SMAD2: variants seen among roughly 807,000 people sequenced by gnomAD.
SMAD2 encodes MAD homolog 2.
SMAD2 carries 8 observed loss-of-function variants against 64.4 expected under a neutral mutation model. The ratio of observed to expected loss-of-function variants is 0.12; its 90% CI spans 0.07 to 0.22. The LOEUF (loss-of-function observed/expected upper bound fraction) is 0.22. SMAD2 is among the 10% of genes least tolerant of loss of function. SMAD2 has a pLI of 1.00. For missense variants in SMAD2, 289 were observed against 561.2 expected (o/e 0.51, Z 4.90); for synonymous variants, 203 against 195.8 (o/e 1.04, Z -0.31).
At position 47,830,730 on chromosome 18, in the gene SMAD2, C is replaced by A. The variant is rs986312824; in HGVS notation, c.*11097G>T. The A allele has an allele frequency of 2.0e-5, 3 of 153,512 alleles. No individual in the cohort carries two copies. The highest frequency in any genetic ancestry group is 1.8e-4 in the East Asian group (1 of 5,554). 9.5% of individuals were successfully genotyped at this position (153,512 alleles called of 1,614,324 possible). ...GCCACAATATAGTTTAGAGGCAAGA[C>A]CTCTCATGAAGAAAAACTTTACAAG... On this transcript the variant is annotated 3_prime_UTR_variant, in exon 11 of 11. Coordinates refer to ENST00000262160, the MANE Select transcript of SMAD2 (RefSeq NM_005901.6).
intron 6 of SMAD2, among the ~76,000 whole-genome samples, chr18:47,860,992 A>G (rs2031134640): frequency 6.6e-6 from 1 of 152,166 alleles, no homozygotes; most frequent in Non-Finnish European, 1.5e-5. Flanking sequence ...CCATTCTTAT[A>G]GCTTCAACAG....
intron 6 of SMAD2, among the ~76,000 whole-genome samples, chr18:47,853,995 G>T (rs988876294): frequency 6.6e-6 from 1 of 151,828 alleles, no homozygotes; most frequent in Non-Finnish European, 1.5e-5. Flanking sequence ...TAAATTAACA[G>T]GCGTTCAGTC....
chr18:47,844,158 A>G (rs546847231), intron 10 of SMAD2, among the ~76,000 whole-genome samples: 4 of 152,276 alleles, frequency 2.6e-5, no homozygotes, highest in Non-Finnish European at 4.4e-5. Context: ...TATAACTCAG[A>G]AAAAAATAGT....
At chr18:47,872,988 A>C (rs2144393012) in intron 2 of SMAD2, among the ~76,000 whole-genome samples, 1 of 151,770 alleles carries the variant, frequency 6.6e-6, no homozygotes, top group African/African-American at 2.4e-5. Context: ...CAGCCTCCTG[A>C]GTAGCTGGGA....
intron 1 of SMAD2, among the ~76,000 whole-genome samples, chr18:47,925,419 T>C (rs76918204): frequency 1.3e-5 from 2 of 152,120 alleles, no homozygotes; most frequent in Admixed American, 6.5e-5. Flanking sequence ...CACTGTACAA[T>C]GTGAGGCAAG....
chr18:47,891,233 A>C (rs1568088899), intron 2 of SMAD2, among the ~76,000 whole-genome samples: 2 of 152,190 alleles, frequency 1.3e-5, no homozygotes, highest in East Asian at 3.9e-4. Flanking sequence ...TGAACCTGGG[A>C]GGCGGAAGTT....
chr18:47,887,765 C>A (rs1204835824), intron 2 of SMAD2, among the ~76,000 whole-genome samples: 1 of 152,118 alleles, frequency 6.6e-6, no homozygotes, highest in Admixed American at 6.5e-5. Flanking sequence ...AGATAGAAGT[C>A]AAGTACCAGT....
intron 6 of SMAD2, 142 bp from the exon 7 acceptor site, chr18:47,851,469 C>A: frequency 1.3e-5 from 5 of 391,854 alleles, no homozygotes; most frequent in South Asian, 4.6e-5. Context: ...TATGTAAGTG[C>A]TTAAATTTAG....
intron 4 of SMAD2, 91 bp downstream of exon 4, chr18:47,869,152 C>A: frequency 1.1e-6 from 1 of 903,772 alleles, no homozygotes. Context: ...AGAATTTACA[C>A]TAAAATTTTC....
intron 1 of SMAD2, among the ~76,000 whole-genome samples, chr18:47,914,424 G>A (rs1037173557): frequency 3.3e-5 from 5 of 152,110 alleles, no homozygotes; most frequent in Non-Finnish European, 7.4e-5. Context: ...CTGGGGTTAG[G>A]TACTATTATT....
intron 1 of SMAD2, among the ~76,000 whole-genome samples, chr18:47,924,120 T>C (rs1053377833): frequency 6.6e-6 from 1 of 151,850 alleles, no homozygotes; most frequent in Non-Finnish European, 1.5e-5. Context: ...TGGTGGCGCA[T>C]GCCTGTAATC....
At chr18:47,861,770 T>C (rs960100917) in intron 6 of SMAD2, among the ~76,000 whole-genome samples, 4 of 152,214 alleles carry the variant, frequency 2.6e-5, no homozygotes, top group African/African-American at 7.2e-5. Context: ...TTCCTTCACA[T>C]CTTTGTGCAA....
At position 47,830,111 on chromosome 18, in the gene SMAD2, G is replaced by A. The variant is rs1455289462; in HGVS notation, c.*11716C>T. 1.3e-5 allele frequency: 2 copies of A among 152,186 alleles called. No individual in the cohort carries two copies. The highest frequency in any genetic ancestry group is 2.4e-5 in the African/African-American group (1 of 41,442). The allele number at this position is 152,186 out of a possible 1,614,324, so 9.4% of individuals were successfully genotyped here. On this transcript the variant is annotated 3_prime_UTR_variant, in exon 11 of 11. Transcript: ENST00000262160. ...AGAATATGTGTTTGTGATTGACGATGTACATTTTTAAATGTGGTGATAACA... is the reference window on the plus strand; with the variant it reads ...AGAATATGTGTTTGTGATTGACGATATACATTTTTAAATGTGGTGATAACA...
At position 47,819,202 on chromosome 18, in the gene SMAD2, T is replaced by A. The variant is rs961752112; in HGVS notation, c.*22625A>T. ...TTGGTAAATCAAAAATAAGTGTCTT[T>A]AAAATTTTTGCCTGAATTTACTACT... On this transcript the variant is annotated 3_prime_UTR_variant, in exon 11 of 11. Transcript: ENST00000262160. 6 of 152,208 alleles carry A rather than the reference T, an allele frequency of 3.9e-5. No homozygotes were observed. The highest frequency in any genetic ancestry group is 8.8e-5 in the Non-Finnish European group (6 of 68,032). 9.4% of individuals were successfully genotyped at this position (152,208 alleles called of 1,614,324 possible). A position where few individuals can be genotyped will look rare whatever the true frequency, so the allele number is the denominator to read the frequency against.
intron 8 of SMAD2, among the ~76,000 whole-genome samples, chr18:47,846,504 A>G (rs1271720938): frequency 2.0e-5 from 3 of 152,212 alleles, no homozygotes; most frequent in African/African-American, 7.2e-5. Context: ...AGATGTAATT[A>G]AGGCAGCAAA....
intron 3 of SMAD2, 150 bp downstream of exon 3, chr18:47,870,325 C>T (rs762763496): frequency 1.6e-6 from 1 of 622,740 alleles, no homozygotes; most frequent in Non-Finnish European, 2.9e-6. Flanking sequence ...ATTTTTTATA[C>T]TGGCAAGCAG....
chr18:47,917,109 C>T (rs1003842904), intron 1 of SMAD2, among the ~76,000 whole-genome samples: 4 of 152,178 alleles, frequency 2.6e-5, no homozygotes, highest in Non-Finnish European at 5.9e-5. Flanking sequence ...CAACCTCTGC[C>T]TCCTGGGTTC....
In SMAD2 at chr18:47,820,896, T is replaced by TACACACACACACACAC. The variant is rs57448043; in HGVS notation, c.*20915_*20930dup. On this transcript the variant is annotated 3_prime_UTR_variant, in exon 11 of 11. Transcript: ENST00000262160. ...TAGTGTAAATGCTATACATGCACTA[T>TACACACACACACACAC]ACACACACACACACACACACACACA... 1.1e-3 allele frequency: 169 copies of TACACACACACACACAC among 148,326 alleles called. 1 individual carries two copies. Among genetic ancestry groups the TACACACACACACACAC allele is most frequent in the African/African-American group, 4.0e-3 (158 of 39,530 alleles). 9.2% of individuals were successfully genotyped at this position (148,326 alleles called of 1,614,324 possible). A position where few individuals can be genotyped will look rare whatever the true frequency, so the allele number is the denominator to read the frequency against.
At chr18:47,911,166 C>T (rs1052201957) in intron 1 of SMAD2, among the ~76,000 whole-genome samples, 1 of 151,852 alleles carries the variant, frequency 6.6e-6, no homozygotes, top group Non-Finnish European at 1.5e-5. Flanking sequence ...GCCTGACCAA[C>T]ATGGTGAAAC....
Sources: allele counts gnomAD v4.1 joint callset (sites outside exome capture counted in the v4.1 genomes callset), GRCh38; gene constraint gnomAD v4.1.1; transcripts MANE v1.5; gene names NCBI Gene and HGNC (gene_info 2026-07-23, HGNC 2026-07-21).